ATP2B2: variants seen among roughly 807,000 people sequenced by gnomAD.
ATP2B2 encodes the protein ATPase plasma membrane Ca2+ transporting 2, also known as plasma membrane calcium-transporting ATPase 2.
Under a neutral mutation model 120.0 loss-of-function variants are expected in ATP2B2, and 15 were observed. That is an observed-to-expected ratio of 0.12 (90% CI 0.08 to 0.19). The LOEUF is 0.19. Ranked by LOEUF, ATP2B2 falls within the 10% of genes least tolerant of loss-of-function variation. The pLI is 1.00. For missense variants in ATP2B2, 1,045 were observed against 1,719.8 expected, an observed-to-expected ratio of 0.61 and a Z score of 6.94; for synonymous variants, 694 against 700.3, an observed-to-expected ratio of 0.99 and a Z score of 0.14.
chr3:10,702,077 A>T lies in ATP2B2; in HGVS notation c.-460+5838T>A, dbSNP rs551060304. 7.4e-4 allele frequency among the ~76,000 whole-genome samples: 113 copies of T among 152,246 alleles called. 1 individual carries two copies. The highest frequency in any genetic ancestry group is 8.5e-4 in the Non-Finnish European group (58 of 68,022). On this transcript the variant is annotated intron_variant, in intron 1 of 21. Coordinates refer to the ATP2B2 transcript ENST00000646379. ...TGAAGCCAGGAAGTAGCTGATAGCA[A>T]CATCTTCATACCAGTGGGCTTCCCG...
chr3:10,355,791 C>CTTTGTGCGTGTGTGTGTGT, intron 14 of ATP2B2, among the ~76,000 whole-genome samples: 6 of 92,528 alleles, frequency 6.5e-5, no homozygotes, highest in South Asian at 9.5e-4. Flanking sequence ...TTGTCCTTTC[C>CTTTGTGCGTGTGTGTGTGT]GGCCGGGCGC....
chr3:10,328,811 C>G lies in ATP2B2; in HGVS notation c.*3G>C, dbSNP rs774122439. 1 of 1,605,466 alleles carries G rather than the reference C, an allele frequency of 6.2e-7. No individual in the cohort carries two copies. The highest frequency in any genetic ancestry group is 1.7e-5 in the Admixed American group (1 of 59,794). ...GCGGGCGGGCAGGCGAGAGGGTCCT[C>G]AGCTAAAGCGACGTCTCCAGGCTGT... is the stretch of plus-strand genomic sequence containing the variant. On this transcript the variant is annotated 3_prime_UTR_variant, in exon 23 of 23. Transcript: ENST00000360273.
At chr3:10,632,800 G>T (rs917971592) in intron 1 of ATP2B2, among the ~76,000 whole-genome samples, 2 of 152,202 alleles carry the variant, frequency 1.3e-5, no homozygotes, top group African/African-American at 4.8e-5. Flanking sequence ...CTGTGTCCCC[G>T]CAATGTTACT....
At chr3:10,636,284 G>A (rs115951135) in intron 1 of ATP2B2, among the ~76,000 whole-genome samples, 1,682 of 152,244 alleles carry the variant, frequency 0.011, 19 homozygotes, top group Middle Eastern at 0.024. Context: ...GTGACAGTAG[G>A]GCAGGCTGTG....
chr3:10,388,120 TG>T, intron 6 of ATP2B2, 156 bp downstream of exon 6: 1 of 1,035,604 alleles, frequency 9.7e-7, no homozygotes, highest in Non-Finnish European at 1.5e-6. Flanking sequence ...AGAGCCTACC[TG>T]GCCCATGCAG....
At chr3:10,707,665 C>T (rs961301591) in intron 1 of ATP2B2, among the ~76,000 whole-genome samples, 5 of 152,232 alleles carry the variant, frequency 3.3e-5, no homozygotes, top group African/African-American at 9.6e-5. Flanking sequence ...CCGCAGGCGC[C>T]GGGTCCGCGG....
chr3:10,633,718 T>C (rs1172631941), intron 1 of ATP2B2, among the ~76,000 whole-genome samples: 1 of 152,178 alleles, frequency 6.6e-6, no homozygotes, highest in Non-Finnish European at 1.5e-5. Context: ...TCTGAAATAA[T>C]AGCTCTGAGC....
intron 2 of ATP2B2, among the ~76,000 whole-genome samples, chr3:10,609,403 C>T (rs563997163): frequency 4.7e-4 from 71 of 152,358 alleles, no homozygotes; most frequent in African/African-American, 1.3e-3. Context: ...AGGAGCCTCC[C>T]GGCATCGATC....
At chr3:10,631,272 T>G (rs576846327) in intron 1 of ATP2B2, among the ~76,000 whole-genome samples, 12 of 152,382 alleles carry the variant, frequency 7.9e-5, no homozygotes, top group African/African-American at 2.9e-4. Flanking sequence ...TTGCAGAATT[T>G]GTTGTTGCTC....
At chr3:10,586,904 C>T (rs1266571904) in intron 2 of ATP2B2, among the ~76,000 whole-genome samples, 2 of 152,206 alleles carry the variant, frequency 1.3e-5, no homozygotes, top group African/African-American at 4.8e-5. Context: ...GGCACCTCCT[C>T]AGTGGGCTCT....
At chr3:10,439,089 G>T (rs963009284) in intron 2 of ATP2B2, among the ~76,000 whole-genome samples, 8 of 152,242 alleles carry the variant, frequency 5.3e-5, no homozygotes, top group Non-Finnish European at 7.3e-5. Flanking sequence ...CAAGGGCACT[G>T]CCCTGGCCTG....
intron 12 of ATP2B2, among the ~76,000 whole-genome samples, chr3:10,363,706 T>C (rs994441847): frequency 6.6e-6 from 1 of 151,740 alleles, no homozygotes; most frequent in African/African-American, 2.4e-5. Flanking sequence ...ATGGCTACTG[T>C]TAAAAAAAAA....
chr3:10,411,804 A>G (rs1049081984), intron 2 of ATP2B2, among the ~76,000 whole-genome samples: 3 of 152,196 alleles, frequency 2.0e-5, no homozygotes, highest in African/African-American at 2.4e-5. Flanking sequence ...CCTGGTGGAC[A>G]TGCAGCTGAC....
intron 3 of ATP2B2, among the ~76,000 whole-genome samples, chr3:10,524,187 G>A (rs1221034992): frequency 1.3e-5 from 2 of 152,140 alleles, no homozygotes; most frequent in Non-Finnish European, 2.9e-5. Flanking sequence ...AGTCTGTGAC[G>A]CCTGGACCTG....
intron 5 of ATP2B2, among the ~76,000 whole-genome samples, chr3:10,388,782 C>A (rs1054442752): frequency 3.3e-5 from 5 of 152,222 alleles, no homozygotes; most frequent in Non-Finnish European, 5.9e-5. Context: ...ACACACATTA[C>A]AAAAATCACA....
At chr3:10,386,624 C>T in intron 6 of ATP2B2, 112 bp from the exon 7 acceptor site, 1 of 1,184,594 alleles carries the variant, frequency 8.4e-7, no homozygotes, top group Non-Finnish European at 1.3e-6. Flanking sequence ...TGGCCATACA[C>T]CTAGGGTCAT....
chr3:10,509,569 A>G (rs2066718390), upstream of ATP2B2, among the ~76,000 whole-genome samples: 1 of 152,182 alleles, frequency 6.6e-6, no homozygotes, highest in African/African-American at 2.4e-5. Context: ...GACCAAAGCA[A>G]GATTGAGGGT....
intron 2 of ATP2B2, among the ~76,000 whole-genome samples, chr3:10,616,664 A>G (rs1575561531): frequency 2.1e-5 from 3 of 144,416 alleles, no homozygotes; most frequent in Non-Finnish European, 3.0e-5. Context: ...TTTTTCTTAT[A>G]CAGCTGACTA....
intron 1 of ATP2B2, among the ~76,000 whole-genome samples, chr3:10,658,642 A>C (rs1317848893): frequency 6.6e-6 from 1 of 152,130 alleles, no homozygotes; most frequent in African/African-American, 2.4e-5. Flanking sequence ...AGTGAGGGGG[A>C]GAATGGAACC....
Sources: allele counts gnomAD v4.1 joint callset (sites outside exome capture counted in the v4.1 genomes callset), GRCh38; gene constraint gnomAD v4.1.1; transcripts MANE v1.5; gene names NCBI Gene and HGNC (gene_info 2026-07-23, HGNC 2026-07-21).